The following ANKFN1 variants were observed in gnomAD, a reference collection of about 807,000 sequenced individuals.
ANKFN1 encodes the protein ankyrin repeat and fibronectin type III domain containing 1.
A neutral mutation model predicts 108.7 loss-of-function variants in ANKFN1; 74 were observed. The observed-to-expected ratio is 0.68, with a 90% confidence interval of 0.56 to 0.83. The LOEUF is 0.83. Ranked by LOEUF, ANKFN1 falls within the 40% of genes least tolerant of loss-of-function variation. ANKFN1 has a pLI of 0.00. For synonymous variants in ANKFN1, 547 were observed against 516.2 expected, an observed-to-expected ratio of 1.06 and a Z score of -0.81; for missense variants, 1,505 against 1,382.3, an observed-to-expected ratio of 1.09 and a Z score of -1.41.
chr17:56,409,215 AGGCCT>A (rs1302496466), intron 8 of ANKFN1, among the ~76,000 whole-genome samples: 1 of 152,092 alleles, frequency 6.6e-6, no homozygotes, highest in Admixed American at 6.5e-5. Context: ...CTGAGCCACC[AGGCCT>A]GGCCAAGATT....
chr17:56,213,232 A>G (rs1435311519), intron 2 of ANKFN1, among the ~76,000 whole-genome samples: 2 of 152,176 alleles, frequency 1.3e-5, no homozygotes, highest in Non-Finnish European at 2.9e-5. Context: ...GCACCAGAGC[A>G]ATGTGACTCA....
At position 56,400,499 on chromosome 17, in the gene ANKFN1, A is replaced by T. The variant is rs1183229703; in HGVS notation, c.910+25785A>T. On this transcript the variant is annotated intron_variant, in intron 8 of 20. Transcript: ENST00000682825. ...TGGATATTAGTCCTTTGTCAGATGT[A>T]TAGATTGTGAAGATTTTCTCTCACT... 3.3e-5 allele frequency among the ~76,000 whole-genome samples: 5 copies of T among 152,026 alleles called. No homozygotes were observed. In the East Asian group the frequency reaches 9.6e-4, roughly 29 times the overall value.
At chr17:56,421,010 C>T (rs1291814162) in intron 8 of ANKFN1, among the ~76,000 whole-genome samples, 1 of 152,108 alleles carries the variant, frequency 6.6e-6, no homozygotes, top group Non-Finnish European at 1.5e-5. Flanking sequence ...GTCCGGCCGA[C>T]TCCTTCTTTT....
At chr17:56,439,707 T>C (rs2049037570) in intron 8 of ANKFN1, among the ~76,000 whole-genome samples, 1 of 152,062 alleles carries the variant, frequency 6.6e-6, no homozygotes. Flanking sequence ...TGTCAAATGA[T>C]GTGGAGATAA....
At chr17:56,066,403 T>A (rs1238681716) in intron 4 of ANKFN1, among the ~76,000 whole-genome samples, 1 of 152,128 alleles carries the variant, frequency 6.6e-6, no homozygotes, top group Admixed American at 6.6e-5. Flanking sequence ...CAGTCCAAAT[T>A]GAGATGTGCT....
chr17:56,383,349 T>G (rs575540303), intron 8 of ANKFN1, among the ~76,000 whole-genome samples: 1 of 152,242 alleles, frequency 6.6e-6, no homozygotes, highest in East Asian at 1.9e-4. Flanking sequence ...GGGAAATTTA[T>G]AGCACTAAAT....
intron 3 of ANKFN1, among the ~76,000 whole-genome samples, chr17:56,247,252 C>G (rs1918026356): frequency 6.6e-6 from 1 of 152,152 alleles, no homozygotes; most frequent in African/African-American, 2.4e-5. Flanking sequence ...CTTTGATAAG[C>G]TAAGGCACAA....
At chr17:56,120,735 C>T (rs1433414043) in intron 4 of ANKFN1, among the ~76,000 whole-genome samples, 3 of 152,112 alleles carry the variant, frequency 2.0e-5, no homozygotes, top group Non-Finnish European at 4.4e-5. Flanking sequence ...ATGATGGTTG[C>T]AGCATCACCT....
At chr17:56,418,612 TA>T (rs1195869263) in intron 8 of ANKFN1, among the ~76,000 whole-genome samples, 1 of 152,098 alleles carries the variant, frequency 6.6e-6, no homozygotes, top group Non-Finnish European at 1.5e-5. Context: ...TTCTGGAATT[TA>T]ATAATAAAAT....
chr17:56,239,419 G>C (rs1917414276), intron 3 of ANKFN1, among the ~76,000 whole-genome samples: 1 of 152,166 alleles, frequency 6.6e-6, no homozygotes, highest in Admixed American at 6.6e-5. Context: ...ACAAATGTTT[G>C]AGATGATGGA....
At position 56,457,395 on chromosome 17, in the gene ANKFN1, C is replaced by A. The variant is rs1203343859; in HGVS notation, c.1440+6C>A. On this transcript the variant is annotated splice_donor_region_variant and intron_variant, in intron 13 of 20. Coordinates refer to ENST00000682825, the MANE Select transcript of ANKFN1 (RefSeq NM_001370326.1). ...ATTTTCTGTGGTTCACGAAGGTATA[C>A]TAAGTTCTGATTTCATTTTTCCCTA... The A allele has an allele frequency of 6.3e-7, 1 of 1,579,506 alleles. No homozygotes were observed.
At chr17:56,334,120 G>C (rs9303386) in intron 4 of ANKFN1, among the ~76,000 whole-genome samples, 1 of 152,072 alleles carries the variant, frequency 6.6e-6, no homozygotes, top group Non-Finnish European at 1.5e-5. Flanking sequence ...AATGGAATAC[G>C]TCTCAGCAAT....
chr17:56,132,252 A>G (rs1040416217), intron 4 of ANKFN1, among the ~76,000 whole-genome samples: 1 of 152,084 alleles, frequency 6.6e-6, no homozygotes, highest in African/African-American at 2.4e-5. Context: ...GGATGCATTT[A>G]CTCTCCCCAT....
chr17:56,474,731 A>G (rs1346713337), intron 15 of ANKFN1, among the ~76,000 whole-genome samples: 1 of 152,072 alleles, frequency 6.6e-6, no homozygotes, highest in Admixed American at 6.6e-5. Context: ...TCCTTCCCTC[A>G]TTAACAATTT....
At chr17:56,081,402 G>A (rs758389164) in intron 4 of ANKFN1, among the ~76,000 whole-genome samples, 2 of 151,910 alleles carry the variant, frequency 1.3e-5, no homozygotes, top group Non-Finnish European at 2.9e-5. Context: ...GCCCAGGCTG[G>A]AGTGCAGTGG....
intron 4 of ANKFN1, among the ~76,000 whole-genome samples, chr17:56,112,964 T>C (rs937959051): frequency 3.3e-5 from 5 of 152,234 alleles, no homozygotes; most frequent in African/African-American, 1.2e-4. Flanking sequence ...CATTTCTATA[T>C]GACGTAGTAT....
chr17:56,382,667 G>A (rs899068801), intron 8 of ANKFN1, among the ~76,000 whole-genome samples: 2 of 152,086 alleles, frequency 1.3e-5, no homozygotes, highest in African/African-American at 2.4e-5. Context: ...AAAAAAGGCA[G>A]GTGTTGCAAT....
chr17:56,315,479 A>T (rs1027568008), intron 3 of ANKFN1, among the ~76,000 whole-genome samples: 19 of 152,338 alleles, frequency 1.2e-4, no homozygotes, highest in African/African-American at 4.6e-4. Context: ...GGCAGCCCAG[A>T]CAGAAGGTGC....
chr17:56,454,868 ATGT>A (rs1453173528), intron 11 of ANKFN1, among the ~76,000 whole-genome samples: 4 of 152,116 alleles, frequency 2.6e-5, no homozygotes, highest in Admixed American at 2.6e-4. Context: ...CCGGAGATGT[ATGT>A]TGTTGTTGTT....
Sources: allele counts gnomAD v4.1 joint callset (sites outside exome capture counted in the v4.1 genomes callset), GRCh38; gene constraint gnomAD v4.1.1; transcripts MANE v1.5; gene names NCBI Gene and HGNC (gene_info 2026-07-23, HGNC 2026-07-21).